The following PRKN variants were observed in gnomAD, a reference collection of about 807,000 sequenced individuals.
The protein encoded by PRKN is E3 ubiquitin-protein ligase parkin.
PRKN carries 56 observed loss-of-function variants against 59.5 expected under a neutral mutation model. The observed-to-expected ratio is 0.94, with a 90% confidence interval of 0.76 to 1.18. The LOEUF (loss-of-function observed/expected upper bound fraction) is 1.18. Ranked by LOEUF, PRKN falls within the 50% of genes most tolerant of loss-of-function variation. PRKN has a pLI of 0.00. For synonymous variants in PRKN, 250 were observed against 222.1 expected (o/e 1.13, Z -1.12); for missense variants, 657 against 596.4 (o/e 1.10, Z -1.06).
chr6:162,025,723 G>T (rs1783409342), intron 5 of PRKN, among the ~76,000 whole-genome samples: 1 of 150,358 alleles, frequency 6.7e-6, no homozygotes. Flanking sequence ...TGAGTAGCTG[G>T]GACCACAGGC....
At chr6:162,704,894 A>C (rs1043236695) in intron 1 of PRKN, among the ~76,000 whole-genome samples, 1 of 152,240 alleles carries the variant, frequency 6.6e-6, no homozygotes, top group Non-Finnish European at 1.5e-5. Context: ...TATTTTTCTT[A>C]ATCAGTTTTA....
intron 6 of PRKN, among the ~76,000 whole-genome samples, chr6:161,945,083 AC>A (rs1304620112): frequency 1.3e-5 from 2 of 149,260 alleles, no homozygotes; most frequent in Admixed American, 1.4e-4. Flanking sequence ...ATCAAGATTG[AC>A]TTTAAAGCCT....
chr6:161,537,025 T>C (rs553109759), intron 9 of PRKN, among the ~76,000 whole-genome samples: 3 of 152,372 alleles, frequency 2.0e-5, no homozygotes, highest in Non-Finnish European at 4.4e-5. Context: ...CAACTTTTCT[T>C]ATTGATTAAG....
At position 161,716,165 on chromosome 6, in the gene PRKN, A is replaced by C. The variant is rs1223833288; in HGVS notation, c.871+69607T>G. 3.4e-6 allele frequency: 4 copies of C among 1,168,476 alleles called. No individual in the cohort carries two copies. In the East Asian group the frequency reaches 1.9e-4, roughly 57 times the overall value. The allele number at this position is 1,168,476 out of a possible 1,614,324, so 72.4% of individuals were successfully genotyped here. A position where few individuals can be genotyped will look rare whatever the true frequency, so the allele number is the denominator to read the frequency against. On this transcript the variant is annotated intron_variant, in intron 7 of 11. Coordinates refer to ENST00000366898, the MANE Select transcript of PRKN (RefSeq NM_004562.3). ...ATAGAATACAGAGGAGACTGGGTTA[A>C]TTTGATGCTCACAGCAACCTTGTAT...
At chr6:161,902,130 G>A (rs951750704) in intron 6 of PRKN, among the ~76,000 whole-genome samples, 1 of 152,264 alleles carries the variant, frequency 6.6e-6, no homozygotes, top group South Asian at 2.1e-4. Flanking sequence ...GAGAACAGGG[G>A]TTTCTAAGTT....
chr6:162,071,659 C>T (rs527682053), intron 4 of PRKN, among the ~76,000 whole-genome samples: 81 of 150,478 alleles, frequency 5.4e-4, no homozygotes, highest in African/African-American at 1.7e-3. Context: ...TGCAGTACTG[C>T]GATCCTGGCA....
At position 161,416,807 on chromosome 6, in the gene PRKN, G is replaced by A. The variant is rs780537917; in HGVS notation, c.1084-29930C>T. Among the ~76,000 whole-genome samples, 4 of 152,146 alleles carry A rather than the reference G, an allele frequency of 2.6e-5. No homozygotes were observed. The South Asian group carries it at 6.2e-4, about 24-fold the overall frequency. On this transcript the variant is annotated intron_variant, in intron 9 of 11. Coordinates refer to ENST00000366898, the MANE Select transcript of PRKN (RefSeq NM_004562.3). ...CCGTGCTACGGAGTTGATACACACC[G>A]AACTGTCACCCGTCCTCCTGCCCAG...
At chr6:162,723,203 G>A (rs1779001605) in intron 1 of PRKN, among the ~76,000 whole-genome samples, 1 of 152,210 alleles carries the variant, frequency 6.6e-6, no homozygotes, top group African/African-American at 2.4e-5. Flanking sequence ...ACCTAGAGCA[G>A]TTAAGGGTAC....
rs141191949 is a variant in PRKN, at chr6:161,741,643, C to T, written c.871+44129G>A. ...ATGGATGAGGCCTGGGCAGTAAACA[C>T]ACCACGAGGGTTCAAACTGGTCTGG... On this transcript the variant is annotated intron_variant, in intron 7 of 11. Coordinates refer to ENST00000366898, the MANE Select transcript of PRKN (RefSeq NM_004562.3). 2.2e-3 allele frequency among the ~76,000 whole-genome samples: 341 copies of T among 152,244 alleles called. 1 individual carries two copies. Among genetic ancestry groups the T allele is most frequent in the Non-Finnish European group, 3.0e-3 (205 of 68,014 alleles).
chr6:161,778,095 A>G (rs548223968), intron 7 of PRKN, among the ~76,000 whole-genome samples: 1 of 152,024 alleles, frequency 6.6e-6, no homozygotes, highest in African/African-American at 2.4e-5. Context: ...GGTGAGGGCT[A>G]TAGCTGCATT....
At chr6:162,070,223 G>A (rs1778516689) in intron 4 of PRKN, among the ~76,000 whole-genome samples, 2 of 152,146 alleles carry the variant, frequency 1.3e-5, no homozygotes, top group South Asian at 2.1e-4. Flanking sequence ...AACTACTTGG[G>A]TATATCTTGA....
At chr6:162,650,799 G>C (rs1778399507) in intron 1 of PRKN, among the ~76,000 whole-genome samples, 2 of 152,056 alleles carry the variant, frequency 1.3e-5, no homozygotes, top group Admixed American at 1.3e-4. Context: ...TCCTAACAAA[G>C]ATATAAAATT....
intron 7 of PRKN, among the ~76,000 whole-genome samples, chr6:161,662,668 CTT>C (rs11471422): frequency 0.39 from 58,690 of 151,836 alleles, 12,718 homozygotes; most frequent in Non-Finnish European, 0.49. Flanking sequence ...CACTTTGTGT[CTT>C]TGTTTCCTTC....
intron 2 of PRKN, among the ~76,000 whole-genome samples, chr6:162,385,893 T>C (rs547654198): frequency 1.3e-5 from 2 of 152,160 alleles, no homozygotes; most frequent in East Asian, 1.9e-4. Context: ...GATTCCAAAG[T>C]TTTTCAAAAA....
chr6:161,508,831 T>C (rs991895119), intron 9 of PRKN, among the ~76,000 whole-genome samples: 16 of 151,892 alleles, frequency 1.1e-4, no homozygotes, highest in Non-Finnish European at 2.9e-5. Flanking sequence ...TTCACAGTTC[T>C]TGAGTGTTAT....
At chr6:162,226,090 A>G (rs568573985) in intron 3 of PRKN, among the ~76,000 whole-genome samples, 77 of 101,738 alleles carry the variant, frequency 7.6e-4, no homozygotes, top group Non-Finnish European at 1.2e-3. Flanking sequence ...AATAATAATA[A>G]TAATAATAAA....
Position 161,429,895 on chromosome 6 carries a change from T to TCTTTGCA in PRKN, c.1084-43019_1084-43018insTGCAAAG. On this transcript the variant is annotated intron_variant, in intron 9 of 11. Transcript: ENST00000366898. This position sits in a 1 kb window ranked among gnomAD's most constrained non-coding sequence, Gnocchi z 4.2. ...TTGCTTTCTTTGCAAGCTAACAAGT[T>TCTTTGCA]AGTCTGCTCAGTTTTACGGAGGCCA... is the stretch of plus-strand genomic sequence containing the variant. 6.6e-6 allele frequency among the ~76,000 whole-genome samples: 1 copy of TCTTTGCA among 152,292 alleles called. No homozygotes were observed. The highest frequency in any genetic ancestry group is 1.9e-4 in the East Asian group (1 of 5,188).
chr6:162,601,259 C>T lies in PRKN; in HGVS notation c.7+126403G>A, dbSNP rs187922318. Among the ~76,000 whole-genome samples, 7 of 151,968 alleles carry T rather than the reference C, an allele frequency of 4.6e-5. No individual in the cohort carries two copies. The East Asian group carries it at 1.2e-3, about 25-fold the overall frequency. ...ACCTTATCTAATCCTAATTACCCTC[C>T]CAAAGGTCCCACCTACAGTCAATAT... is the stretch of plus-strand genomic sequence containing the variant. On this transcript the variant is annotated intron_variant, in intron 1 of 11. Transcript: ENST00000366898.
At chr6:161,755,418 T>C (rs546186927) in intron 7 of PRKN, among the ~76,000 whole-genome samples, 26 of 152,198 alleles carry the variant, frequency 1.7e-4, no homozygotes, top group Admixed American at 6.5e-4. Context: ...TGGAAAGTAC[T>C]TGATAACTGT....
Sources: gnomAD v4.1 joint callset for allele counts (sites outside exome capture counted in the v4.1 genomes callset) on GRCh38, gnomAD v4.1.1 for gene constraint, Gnocchi (gnomAD v3.1) non-coding constraint, MANE v1.5 for transcripts, NCBI Gene and HGNC (gene_info 2026-07-23, HGNC 2026-07-21) for gene names.